The following ATP11A variants were observed in gnomAD, a reference collection of about 807,000 sequenced individuals.
ATP11A encodes phospholipid-transporting ATPase IH.
In ATP11A, 81 loss-of-function variants were observed where a neutral mutation model predicts 154.4. The observed-to-expected ratio is 0.52, with a 90% CI of 0.44 to 0.63. ATP11A has a LOEUF of 0.63. ATP11A is among the 30% of genes least tolerant of loss of function. The pLI is 0.00. For synonymous variants in ATP11A, 623 were observed against 585.9 expected, an observed-to-expected ratio of 1.06 and a Z score of -0.91; for missense variants, 1,316 against 1,474.3, an observed-to-expected ratio of 0.89 and a Z score of 1.76.
intron 2 of ATP11A, among the ~76,000 whole-genome samples, chr13:112,793,778 G>A (rs1292600075): frequency 6.6e-6 from 1 of 152,254 alleles, no homozygotes; most frequent in Non-Finnish European, 1.5e-5. Flanking sequence ...GCTCCTGCGG[G>A]CGCCTGGGCT....
chr13:112,734,323 G>C (rs1467010393), intron 1 of ATP11A, among the ~76,000 whole-genome samples: 1 of 152,104 alleles, frequency 6.6e-6, no homozygotes, highest in Non-Finnish European at 1.5e-5. Context: ...CTTGAGAAAA[G>C]GGCCTTTCCT....
At chr13:112,764,949 C>T (rs1003548197) in intron 1 of ATP11A, among the ~76,000 whole-genome samples, 1 of 152,210 alleles carries the variant, frequency 6.6e-6, no homozygotes, top group African/African-American at 2.4e-5. Context: ...TTGCCTCACT[C>T]GGATCCCTGG....
intron 25 of ATP11A, among the ~76,000 whole-genome samples, chr13:112,864,602 T>C (rs1191006089): frequency 1.9e-5 from 1 of 52,148 alleles, no homozygotes; most frequent in Non-Finnish European, 3.0e-5. Flanking sequence ...ACCTGCACAG[T>C]AATTCAGTGC....
chr13:112,806,750 G>A (rs1271349918), intron 4 of ATP11A, among the ~76,000 whole-genome samples: 2 of 151,932 alleles, frequency 1.3e-5, no homozygotes, highest in Non-Finnish European at 2.9e-5. Context: ...TACTCTCTAC[G>A]TATCCATTTT....
intron 10 of ATP11A, 132 bp downstream of exon 10, chr13:112,824,557 G>A (rs1284648424): frequency 1.3e-6 from 1 of 755,416 alleles, no homozygotes; most frequent in Non-Finnish European, 2.2e-6. Context: ...CTGCAGAGCT[G>A]ACCATTCAGA....
chr13:112,736,842 T>C (rs761563747), intron 1 of ATP11A, among the ~76,000 whole-genome samples: 1 of 152,102 alleles, frequency 6.6e-6, no homozygotes, highest in Non-Finnish European at 1.5e-5. Flanking sequence ...ATTATGAAAT[T>C]GAAAAGAAAA....
chr13:112,787,204 A>G (rs1302751341), intron 2 of ATP11A, among the ~76,000 whole-genome samples: 41 of 117,306 alleles, frequency 3.5e-4, no homozygotes, highest in African/African-American at 8.3e-4. Context: ...AATTCACACC[A>G]AGTGTCCTGA....
intron 17 of ATP11A, among the ~76,000 whole-genome samples, chr13:112,845,222 C>T (rs1427885746): frequency 1.5e-5 from 2 of 130,968 alleles, no homozygotes; most frequent in Non-Finnish European, 3.2e-5. Context: ...CTAACCAGTC[C>T]AGTTGCCGGG....
intron 1 of ATP11A, among the ~76,000 whole-genome samples, chr13:112,728,393 G>A (rs570981809): frequency 6.9e-6 from 1 of 145,268 alleles, no homozygotes; most frequent in East Asian, 2.1e-4. Flanking sequence ...CCATGAGACT[G>A]TGCGGCCCGG....
At chr13:112,873,789 T>C in intron 27 of ATP11A, 113 bp downstream of exon 27, 1 of 1,022,628 alleles carries the variant, frequency 9.8e-7, no homozygotes, top group South Asian at 1.4e-5. Context: ...GGCAAGTGTT[T>C]GTTGAATGGC....
chr13:112,712,552 C>T (rs1205893757), intron 1 of ATP11A, among the ~76,000 whole-genome samples: 1 of 152,138 alleles, frequency 6.6e-6, no homozygotes, highest in Non-Finnish European at 1.5e-5. Context: ...GAGACAGGCC[C>T]GAAGGACAGG....
chr13:112,748,406 T>A (rs1203610660), intron 1 of ATP11A, among the ~76,000 whole-genome samples: 1 of 152,038 alleles, frequency 6.6e-6, no homozygotes, highest in Non-Finnish European at 1.5e-5. Flanking sequence ...TGCTCTGTTG[T>A]GCAGGCTGGA....
At chr13:112,726,846 A>G (rs1463433979) in intron 1 of ATP11A, among the ~76,000 whole-genome samples, 1 of 152,192 alleles carries the variant, frequency 6.6e-6, no homozygotes, top group Non-Finnish European at 1.5e-5. Flanking sequence ...GCACCACCTA[A>G]TGCTACTGTA....
Position 112,845,458 on chromosome 13 carries a change from C to T in ATP11A, c.1809+3079C>T, listed in dbSNP as rs1439653220. ...TAACCAGTCCAGTTGCCAGCACTAG[C>T]GGTACTATTCAGTCCAGTTGCCAGG... On this transcript the variant is annotated intron_variant, in intron 17 of 29. Transcript: ENST00000375645. Among the ~76,000 whole-genome samples, 3 of 116,378 alleles carry T rather than the reference C, an allele frequency of 2.6e-5. 1 individual carries two copies. The highest frequency in any genetic ancestry group is 4.7e-5 in the African/African-American group (1 of 21,366). 76.3% of individuals were successfully genotyped at this position (116,378 alleles called of 152,430 possible).
intron 1 of ATP11A, among the ~76,000 whole-genome samples, chr13:112,739,614 C>A (rs543374784): frequency 5.9e-5 from 9 of 152,310 alleles, no homozygotes; most frequent in African/African-American, 1.9e-4. Context: ...CAATTCCACG[C>A]CTAAATATGT....
chr13:112,836,150 G>T, intron 15 of ATP11A, 28 bp from the exon 16 acceptor site: 8 of 1,569,534 alleles, frequency 5.1e-6, no homozygotes, highest in Non-Finnish European at 7.0e-6. Context: ...CCGTGTGGAC[G>T]GTGTGACCTT....
intron 19 of ATP11A, 80 bp from the exon 20 acceptor site, chr13:112,855,831 G>A (rs775385998): frequency 8.3e-6 from 11 of 1,320,504 alleles, no homozygotes; most frequent in African/African-American, 1.5e-5. Context: ...AGCATCTGTC[G>A]ATATCCAAAA....
intron 1 of ATP11A, among the ~76,000 whole-genome samples, chr13:112,703,595 G>A (rs747793732): frequency 1.3e-5 from 2 of 152,216 alleles, no homozygotes; most frequent in African/African-American, 4.8e-5. Context: ...AAGACAGAAC[G>A]TAATTACTTA....
chr13:112,736,198 A>G (rs1288466713), intron 1 of ATP11A, among the ~76,000 whole-genome samples: 1 of 152,160 alleles, frequency 6.6e-6, no homozygotes, highest in African/African-American at 2.4e-5. Flanking sequence ...ACTTGACCCT[A>G]TCACTTAGCA....
Sources: allele counts gnomAD v4.1 joint callset (sites outside exome capture counted in the v4.1 genomes callset), GRCh38; gene constraint gnomAD v4.1.1; transcripts MANE v1.5; gene names NCBI Gene and HGNC (gene_info 2026-07-23, HGNC 2026-07-21).